Variants in HDAC8 observed in about 807,000 individuals in gnomAD.
HDAC8 encodes histone deacetylase 8, also known as histone deacetylase-like 1.
Under a neutral mutation model 32.2 loss-of-function variants are expected in HDAC8, and 1 was observed. The ratio of observed to expected loss-of-function variants is 0.03; its 90% CI spans 0.01 to 0.15. HDAC8 has a LOEUF of 0.15. Among genes scored for constraint, HDAC8 ranks in the 10% least tolerant of loss-of-function variants. HDAC8 has a pLI of 1.00. For missense variants in HDAC8, 117 were observed against 300.0 expected (o/e 0.39, Z 4.51); for synonymous variants, 108 against 113.9 (o/e 0.95, Z 0.33).
At chrX:72,483,958 G>A (rs1279229156) in intron 7 of HDAC8, among the ~76,000 whole-genome samples, 5 of 111,768 alleles carry the variant, frequency 4.5e-5, no homozygotes, top group African/African-American at 1.6e-4. Context: ...AATCCTTTCT[G>A]GGTAGGCTAC....
intron 9 of HDAC8, among the ~76,000 whole-genome samples, chrX:72,393,277 C>T (rs1295254900): frequency 9.0e-6 from 1 of 111,386 alleles, no homozygotes; most frequent in Non-Finnish European, 1.9e-5. Flanking sequence ...CGGAATTGTA[C>T]AGTGAAGAAA....
chrX:72,460,131 C>A (rs781983778), intron 9 of HDAC8, among the ~76,000 whole-genome samples: 1 of 111,213 alleles, frequency 9.0e-6, no homozygotes, highest in Non-Finnish European at 1.9e-5. Context: ...AAGGAGATAA[C>A]TTGCATTTTT....
chrX:72,540,450 G>A (rs970238106), intron 4 of HDAC8, among the ~76,000 whole-genome samples: 2 of 111,591 alleles, frequency 1.8e-5, no homozygotes, highest in Non-Finnish European at 3.8e-5. Flanking sequence ...AAATAGAAAC[G>A]AGAATGACGT....
At chrX:72,553,754 G>A (rs1340627546) in intron 4 of HDAC8, among the ~76,000 whole-genome samples, 1 of 111,583 alleles carries the variant, frequency 9.0e-6, no homozygotes, top group Admixed American at 9.5e-5. Flanking sequence ...TTTTGCATTC[G>A]GTAAATACTG....
chrX:72,538,068 G>A (rs1205441950), intron 4 of HDAC8, among the ~76,000 whole-genome samples: 4 of 111,536 alleles, frequency 3.6e-5, no homozygotes, highest in Non-Finnish European at 5.6e-5. Context: ...TTATCTTGGT[G>A]ATAATACAGT....
intron 7 of HDAC8, among the ~76,000 whole-genome samples, chrX:72,471,952 T>C (rs1185128156): frequency 1.8e-5 from 2 of 112,445 alleles, no homozygotes; most frequent in African/African-American, 6.4e-5. Flanking sequence ...TACATCTATG[T>C]TTTCATCTAA....
intron 4 of HDAC8, among the ~76,000 whole-genome samples, chrX:72,527,736 G>A (rs1057214791): frequency 3.7e-5 from 4 of 107,367 alleles, no homozygotes; most frequent in Non-Finnish European, 7.7e-5. Context: ...CTGAATGAAC[G>A]AATGATACCA....
chrX:72,437,680 G>A lies in HDAC8; in HGVS notation c.1005+24324C>T, dbSNP rs1602833357. On this transcript the variant is annotated intron_variant, in intron 9 of 10. Coordinates refer to ENST00000373573, the MANE Select transcript of HDAC8 (RefSeq NM_018486.3). ...GTGAGGGGTGTCCACCATTACTGAGGCTTGAGTAGGCGGTTTTCCACTCAC... is the reference window on the plus strand; with the variant it reads ...GTGAGGGGTGTCCACCATTACTGAGACTTGAGTAGGCGGTTTTCCACTCAC... Among the ~76,000 whole-genome samples, 4 of 111,927 alleles carry A rather than the reference G, an allele frequency of 3.6e-5. No homozygotes were observed. The South Asian group carries it at 1.5e-3, about 42-fold the overall frequency.
intron 10 of HDAC8, among the ~76,000 whole-genome samples, chrX:72,341,296 C>A (rs1196396293): frequency 2.7e-5 from 3 of 111,702 alleles, no homozygotes; most frequent in Non-Finnish European, 3.8e-5. Context: ...ACGTATGTGT[C>A]AGGGGATGAG....
At chrX:72,383,516 A>T (rs2045323633) in intron 9 of HDAC8, among the ~76,000 whole-genome samples, 1 of 112,185 alleles carries the variant, frequency 8.9e-6, no homozygotes, top group Non-Finnish European at 1.9e-5. Context: ...TAGCCAAACC[A>T]TGTACTTTGA....
In HDAC8 at chrX:72,351,723, C is replaced by T. The variant is rs373892213; in HGVS notation, c.1111+10G>A. Reference sequence around the variant, plus strand: ...AACAAGGAGGGCAGGCCTCGAGGGGCGGTGCTCACCTTTGATGTAGTTGAG... The same window carrying T: ...AACAAGGAGGGCAGGCCTCGAGGGGTGGTGCTCACCTTTGATGTAGTTGAG... On this transcript the variant is annotated intron_variant, in intron 10 of 10. Transcript: ENST00000373573. The T allele has an allele frequency of 1.2e-5, 14 of 1,174,329 alleles. No homozygotes were observed. Among genetic ancestry groups the T allele is most frequent in the African/African-American group, 1.8e-5 (1 of 56,703 alleles).
intron 9 of HDAC8, among the ~76,000 whole-genome samples, chrX:72,400,985 T>G: frequency 8.9e-6 from 1 of 112,674 alleles, no homozygotes; most frequent in East Asian, 2.8e-4. Flanking sequence ...ATTGATCAGT[T>G]GATGGACATT....
chrX:72,395,386 T>G lies in HDAC8; in HGVS notation c.1006-43548A>C, dbSNP rs782649365. Among the ~76,000 whole-genome samples, 234 of 111,499 alleles carry G rather than the reference T, an allele frequency of 2.1e-3. 2 individuals carry two copies. Among genetic ancestry groups the G allele is most frequent in the African/African-American group, 7.3e-3 (224 of 30,682 alleles). On this transcript the variant is annotated intron_variant, in intron 9 of 10. Coordinates refer to ENST00000373573, the MANE Select transcript of HDAC8 (RefSeq NM_018486.3). ...AGAGGGGTGGAAGGGAGACAAAAAT[T>G]GGGAAGGAATAAAAGTGAGAGGCAG... is the stretch of plus-strand genomic sequence containing the variant.
intron 4 of HDAC8, among the ~76,000 whole-genome samples, chrX:72,516,084 T>C (rs2049792589): frequency 9.0e-6 from 1 of 111,710 alleles, no homozygotes. Flanking sequence ...TGAGAAGCCA[T>C]TGGAGGGTTC....
Position 72,551,076 on chromosome X carries a change from A to AGC in HDAC8, c.437+16811_437+16812dup, listed in dbSNP as rs1338307811. ...AAAAGATGCTGGAAATCTTGAAGTC[A>AGC]GCGCACACACACACACACACACACA... On this transcript the variant is annotated intron_variant, in intron 4 of 10. Transcript: ENST00000373573. Among the ~76,000 whole-genome samples, 10 of 96,563 alleles carry AGC rather than the reference A, an allele frequency of 1.0e-4. No individual in the cohort carries two copies. In the East Asian group the frequency reaches 1.4e-3, roughly 14 times the overall value. 83.9% of individuals were successfully genotyped at this position (96,563 alleles called of 115,157 possible).
chrX:72,539,529 C>T (rs782787219), intron 4 of HDAC8, among the ~76,000 whole-genome samples: 67 of 111,291 alleles, frequency 6.0e-4, no homozygotes, highest in African/African-American at 2.0e-3. Flanking sequence ...CATGAGCCAC[C>T]GTGCCTGGCC....
chrX:72,475,316 T>G (rs782009986), intron 7 of HDAC8, among the ~76,000 whole-genome samples: 1 of 112,409 alleles, frequency 8.9e-6, no homozygotes, highest in Non-Finnish European at 1.9e-5. Context: ...GAAAAGTTAT[T>G]GCCAGCAGCA....
chrX:72,390,573 TCA>T (rs2045586714), intron 9 of HDAC8, among the ~76,000 whole-genome samples: 1 of 112,135 alleles, frequency 8.9e-6, no homozygotes, highest in African/African-American at 3.2e-5. Context: ...AATGATAATT[TCA>T]CAGTGTAGCT....
intron 4 of HDAC8, among the ~76,000 whole-genome samples, chrX:72,502,184 C>G (rs1279404132): frequency 2.7e-5 from 3 of 111,643 alleles, no homozygotes; most frequent in Non-Finnish European, 5.6e-5. Context: ...GAGAGTAAAC[C>G]AGTTCAACCA....
Sources: gnomAD v4.1 joint callset for allele counts (sites outside exome capture counted in the v4.1 genomes callset) on GRCh38, gnomAD v4.1.1 for gene constraint, MANE v1.5 for transcripts, NCBI Gene and HGNC (gene_info 2026-07-23, HGNC 2026-07-21) for gene names.